Variants in BNC2 observed in about 807,000 individuals in gnomAD.
BNC2 encodes the protein zinc finger protein basonuclin-2.
BNC2 carries 20 observed loss-of-function variants against 76.3 expected under a neutral mutation model. That is an observed-to-expected ratio of 0.26 (90% confidence interval 0.18 to 0.38). The LOEUF is 0.38. Ranked by LOEUF, BNC2 falls within the 10% of genes least tolerant of loss-of-function variation. The probability of loss-of-function intolerance (pLI) is 1.00; values close to 1 mark genes in which losing one functional copy is unlikely to be tolerated. For synonymous variants in BNC2, 582 were observed against 514.8 expected (o/e 1.13, Z -1.77); for missense variants, 1,382 against 1,399.8 (o/e 0.99, Z 0.20).
intron 5 of BNC2, among the ~76,000 whole-genome samples, chr9:16,484,317 G>C (rs1277665615): frequency 2.0e-5 from 3 of 152,158 alleles, no homozygotes. Flanking sequence ...AAAATGTACA[G>C]CCAGAGAGTG....
chr9:16,857,455 C>T (rs561402632), intron 1 of BNC2, among the ~76,000 whole-genome samples: 27 of 115,472 alleles, frequency 2.3e-4, no homozygotes, highest in Non-Finnish European at 4.1e-4. Flanking sequence ...CCAGCCTGGG[C>T]AACAGAGTGA....
chr9:16,783,250 T>C (rs1181281025), intron 1 of BNC2, among the ~76,000 whole-genome samples: 2 of 152,196 alleles, frequency 1.3e-5, no homozygotes, highest in Non-Finnish European at 2.9e-5. Context: ...ATTCATAAGC[T>C]TTGAAAAAGT....
intron 3 of BNC2, among the ~76,000 whole-genome samples, chr9:16,694,249 T>C (rs771060332): frequency 3.1e-4 from 47 of 152,038 alleles, no homozygotes; most frequent in Non-Finnish European, 6.2e-4. Flanking sequence ...TTGAATGAAA[T>C]AGGATAGAAG....
intron 1 of BNC2, among the ~76,000 whole-genome samples, chr9:16,773,927 G>C (rs1035075223): frequency 2.0e-5 from 3 of 152,138 alleles, no homozygotes; most frequent in African/African-American, 7.2e-5. Flanking sequence ...CTGTCATATA[G>C]AAAAAACTTC....
At chr9:16,783,183 G>GA (rs1826200101) in intron 1 of BNC2, among the ~76,000 whole-genome samples, 2 of 152,164 alleles carry the variant, frequency 1.3e-5, no homozygotes, top group South Asian at 2.1e-4. Flanking sequence ...AATTAAAATA[G>GA]ATTATACCAC....
At chr9:16,692,203 C>A (rs953506565) in intron 3 of BNC2, among the ~76,000 whole-genome samples, 3 of 152,120 alleles carry the variant, frequency 2.0e-5, no homozygotes, top group Non-Finnish European at 4.4e-5. Context: ...AATTGAACAC[C>A]ACAGGTTGTT....
chr9:16,751,768 C>T (rs1269312790), intron 1 of BNC2, among the ~76,000 whole-genome samples: 3 of 151,874 alleles, frequency 2.0e-5, no homozygotes, highest in Admixed American at 6.6e-5. Context: ...CAGTGGCTCA[C>T]GCCTGTAATC....
intron 5 of BNC2, among the ~76,000 whole-genome samples, chr9:16,485,483 CTTAAT>C (rs1822144988): frequency 6.6e-6 from 1 of 152,180 alleles, no homozygotes; most frequent in Non-Finnish European, 1.5e-5. Context: ...GGAATTTCTG[CTTAAT>C]TTAATAAGAG....
At chr9:16,680,020 A>G (rs1822776069) in intron 3 of BNC2, among the ~76,000 whole-genome samples, 3 of 152,078 alleles carry the variant, frequency 2.0e-5, no homozygotes, top group Admixed American at 6.5e-5. Context: ...TTTAAACTTA[A>G]CCCCTCCATC....
chr9:16,632,855 A>G (rs1821205752), intron 3 of BNC2, among the ~76,000 whole-genome samples: 2 of 152,326 alleles, frequency 1.3e-5, no homozygotes, highest in South Asian at 4.1e-4. Context: ...CACTTTCTCA[A>G]TAATTCCTAA....
At chr9:16,560,496 GAAGA>G (rs1374569614) in intron 4 of BNC2, among the ~76,000 whole-genome samples, 4 of 152,062 alleles carry the variant, frequency 2.6e-5, no homozygotes, top group Non-Finnish European at 5.9e-5. Context: ...AGGATCACTT[GAAGA>G]TAGGAATTGG....
intron 1 of BNC2, among the ~76,000 whole-genome samples, chr9:16,810,518 GT>G (rs1818020062): frequency 6.6e-6 from 1 of 152,240 alleles, no homozygotes; most frequent in African/African-American, 2.4e-5. Context: ...CAGGCCAGGA[GT>G]TAAGCAGTGA....
chr9:16,488,051 TTTA>T (rs1822202596), intron 5 of BNC2, among the ~76,000 whole-genome samples: 1 of 150,366 alleles, frequency 6.7e-6, no homozygotes. Flanking sequence ...AGCTCTTTGC[TTTA>T]TCTTTGTACT....
chr9:16,464,603 C>A (rs1462337895), intron 5 of BNC2, among the ~76,000 whole-genome samples: 1 of 152,044 alleles, frequency 6.6e-6, no homozygotes, highest in Non-Finnish European at 1.5e-5. Flanking sequence ...ATCTACTTTC[C>A]TTTCTTCTCA....
chr9:16,863,461 G>T (rs564113799), intron 1 of BNC2, among the ~76,000 whole-genome samples: 1 of 152,174 alleles, frequency 6.6e-6, no homozygotes, highest in South Asian at 2.1e-4. Context: ...TTGGGAGGCC[G>T]AGGCCAGTGG....
rs1273557545 is a variant in BNC2 at position 16,527,210 on chromosome 9, C to T, written c.669+25320G>A. 2.0e-5 allele frequency among the ~76,000 whole-genome samples: 3 copies of T among 152,324 alleles called. No homozygotes were observed. The East Asian group carries it at 5.8e-4, about 29-fold the overall frequency. On this transcript the variant is annotated intron_variant, in intron 5 of 6. Coordinates refer to ENST00000380672, the MANE Select transcript of BNC2 (RefSeq NM_017637.6). ...TTAAGCTTCAGAAACAGGCAGAATG[C>T]CATACCTGACAGATTCACTAACCTG...
At chr9:16,792,659 A>G (rs1817545978) in intron 1 of BNC2, among the ~76,000 whole-genome samples, 2 of 152,184 alleles carry the variant, frequency 1.3e-5, no homozygotes, top group African/African-American at 4.8e-5. Flanking sequence ...CAGCGGGGGG[A>G]ACCAACTAAG....
chr9:16,749,397 G>C (rs964915136), intron 1 of BNC2, among the ~76,000 whole-genome samples: 3 of 152,116 alleles, frequency 2.0e-5, no homozygotes, highest in African/African-American at 7.2e-5. Context: ...AAAGAGAAGA[G>C]AACATTCCAA....
chr9:16,750,577 G>A (rs751388848), intron 1 of BNC2, among the ~76,000 whole-genome samples: 32 of 152,200 alleles, frequency 2.1e-4, no homozygotes, highest in Non-Finnish European at 3.7e-4. Context: ...ATGAGCAAAT[G>A]CAAGAGATCT....
Sources: allele counts gnomAD v4.1 joint callset (sites outside exome capture counted in the v4.1 genomes callset), GRCh38; gene constraint gnomAD v4.1.1; transcripts MANE v1.5; gene names NCBI Gene and HGNC (gene_info 2026-07-23, HGNC 2026-07-21).